Variants in SLC8A1 observed in about 807,000 individuals in gnomAD.
SLC8A1 encodes the protein sodium/calcium exchanger 1.
SLC8A1 carries 18 observed loss-of-function variants against 68.3 expected under a neutral mutation model. That is an observed-to-expected ratio of 0.26 (90% CI 0.18 to 0.39). The LOEUF is 0.39. SLC8A1 is among the 10% of genes least tolerant of loss of function. The pLI is 1.00. For missense variants in SLC8A1, 985 were observed against 1,156.7 expected (o/e 0.85, Z 2.15); for synonymous variants, 475 against 415.5 (o/e 1.14, Z -1.74).
intron 2 of SLC8A1, chr2:40,209,895 G>C (rs1574091900): frequency 6.6e-6 from 1 of 152,400 alleles, no homozygotes; most frequent in East Asian, 1.9e-4. Context: ...AGAGGAAATG[G>C]ACTAGGGAAA....
intron 2 of SLC8A1, among the ~76,000 whole-genome samples, chr2:40,353,969 G>A (rs1053970059): frequency 2.0e-5 from 3 of 152,206 alleles, no homozygotes; most frequent in African/African-American, 7.2e-5. Flanking sequence ...CACACAGTAA[G>A]TGGTTGATCC....
intron 2 of SLC8A1, among the ~76,000 whole-genome samples, chr2:40,368,538 A>G (rs1676985381): frequency 6.6e-6 from 1 of 152,096 alleles, no homozygotes; most frequent in Non-Finnish European, 1.5e-5. Flanking sequence ...TTTTATTTAA[A>G]AAAACAGAAT....
chr2:40,359,401 A>C (rs1054938271), intron 2 of SLC8A1, among the ~76,000 whole-genome samples: 3 of 152,170 alleles, frequency 2.0e-5, no homozygotes, highest in Admixed American at 6.6e-5. Context: ...TGCTGGTAGT[A>C]AGTACATGCA....
At chr2:40,466,058 A>G (rs1703651442) in intron 1 of SLC8A1, among the ~76,000 whole-genome samples, 1 of 152,148 alleles carries the variant, frequency 6.6e-6, no homozygotes, top group Admixed American at 6.6e-5. Flanking sequence ...TCCATCCTCC[A>G]TAACTATCAG....
intron 2 of SLC8A1, among the ~76,000 whole-genome samples, chr2:40,378,524 G>A (rs968012336): frequency 4.4e-4 from 67 of 152,128 alleles, no homozygotes; most frequent in Admixed American, 4.0e-3. Context: ...AGTGAAGTGC[G>A]AAGCTAGTGG....
chr2:40,499,119 C>T (rs1705892699), intron 1 of SLC8A1, among the ~76,000 whole-genome samples: 1 of 151,900 alleles, frequency 6.6e-6, no homozygotes, highest in South Asian at 2.1e-4. Context: ...AAGAGTGTCA[C>T]ATGGAAGAAG....
chr2:40,354,440 T>C (rs1174423707), intron 2 of SLC8A1, among the ~76,000 whole-genome samples: 8 of 152,170 alleles, frequency 5.3e-5, no homozygotes, highest in Admixed American at 5.2e-4. Flanking sequence ...AGGTCAATGC[T>C]GCTTACACGT....
chr2:40,368,014 T>C (rs529923187), intron 2 of SLC8A1, among the ~76,000 whole-genome samples: 135 of 152,220 alleles, frequency 8.9e-4, no homozygotes, highest in African/African-American at 3.1e-3. Flanking sequence ...TGTTTCAGCC[T>C]GTTAACAACA....
chr2:40,342,074 T>C (rs1032523957), intron 2 of SLC8A1, among the ~76,000 whole-genome samples: 1 of 152,184 alleles, frequency 6.6e-6, no homozygotes, highest in Non-Finnish European at 1.5e-5. Flanking sequence ...TGATTCACTT[T>C]ATTACTGATA....
At chr2:40,461,280 A>G (rs1703325781) in intron 1 of SLC8A1, among the ~76,000 whole-genome samples, 2 of 152,144 alleles carry the variant, frequency 1.3e-5, no homozygotes, top group Admixed American at 6.6e-5. Context: ...ATATTTCACC[A>G]CTGAGATGAT....
intron 2 of SLC8A1, among the ~76,000 whole-genome samples, chr2:40,250,008 T>C (rs2062492922): frequency 6.6e-6 from 1 of 152,190 alleles, no homozygotes. Context: ...TCCGGGTGTA[T>C]GTATGTGTGA....
chr2:40,332,049 A>T (rs2149377399), intron 2 of SLC8A1, among the ~76,000 whole-genome samples: 1 of 152,182 alleles, frequency 6.6e-6, no homozygotes, highest in South Asian at 2.1e-4. Context: ...TCCTTGGCTC[A>T]AGTGATCCTC....
intron 4 of SLC8A1, chr2:40,170,296 C>G (rs373818789): frequency 7.4e-6 from 12 of 1,613,844 alleles, no homozygotes; most frequent in South Asian, 1.1e-5. Flanking sequence ...ATGGTGATTA[C>G]AGTAGAGAGA....
chr2:40,414,076 A>G (rs1398203008), intron 2 of SLC8A1, among the ~76,000 whole-genome samples: 1 of 152,086 alleles, frequency 6.6e-6, no homozygotes, highest in Non-Finnish European at 1.5e-5. Flanking sequence ...AGAAACAGAA[A>G]GTCAATACCT....
At chr2:40,506,904 A>T (rs1279925539) in intron 1 of SLC8A1, among the ~76,000 whole-genome samples, 1 of 151,998 alleles carries the variant, frequency 6.6e-6, no homozygotes, top group South Asian at 2.1e-4. Context: ...GTGAGGAAGA[A>T]AGAGGTAAGC....
intron 2 of SLC8A1, among the ~76,000 whole-genome samples, chr2:40,389,372 C>A (rs1428057141): frequency 6.6e-6 from 1 of 152,028 alleles, no homozygotes; most frequent in Non-Finnish European, 1.5e-5. Context: ...CAGCCTTAAG[C>A]TATCAGTTTG....
chr2:40,302,297 G>C (rs556935329), intron 2 of SLC8A1, among the ~76,000 whole-genome samples: 1 of 151,890 alleles, frequency 6.6e-6, no homozygotes, highest in Admixed American at 6.6e-5. Flanking sequence ...TCATAGCTTA[G>C]CTCCCATTTA....
intron 7 of SLC8A1, among the ~76,000 whole-genome samples, chr2:40,126,754 C>A (rs2038197088): frequency 6.6e-6 from 1 of 152,106 alleles, no homozygotes; most frequent in Non-Finnish European, 1.5e-5. Flanking sequence ...GCTCCATGAT[C>A]TCGTTTAATT....
exon 8 of SLC8A1, chr2:40,103,618 A>G (rs912437974): frequency 3.1e-4 from 47 of 152,330 alleles, no homozygotes; most frequent in Non-Finnish European, 6.3e-4. Context: ...TAGAATTACT[A>G]TAAGAAACTG....
Sources: gnomAD v4.1 joint callset for allele counts (sites outside exome capture counted in the v4.1 genomes callset) on GRCh38, gnomAD v4.1.1 for gene constraint, MANE v1.5 for transcripts, NCBI Gene and HGNC (gene_info 2026-07-23, HGNC 2026-07-21) for gene names.